Variants in COBLL1 observed in about 807,000 individuals in gnomAD.
COBLL1 encodes cordon-bleu WH2 repeat protein like 1.
In COBLL1, 50 loss-of-function variants were observed where a neutral mutation model predicts 94.8. The observed-to-expected ratio is 0.53, with a 90% CI of 0.42 to 0.67. COBLL1 has a LOEUF of 0.67. COBLL1 is among the 30% of genes least tolerant of loss of function. COBLL1 has a pLI of 0.00. For synonymous variants in COBLL1, 448 were observed against 473.8 expected, an observed-to-expected ratio of 0.95 and a Z score of 0.71; for missense variants, 1,362 against 1,348.7, an observed-to-expected ratio of 1.01 and a Z score of -0.15.
chr2:164,698,097 T>C (rs1483409741), intron 11 of COBLL1: 8 of 152,098 alleles, frequency 5.3e-5, no homozygotes, highest in African/African-American at 1.9e-4. Flanking sequence ...TACGTAAATG[T>C]ACTTGTGACT....
chr2:164,833,610 C>T (rs552222854), intron 2 of COBLL1, among the ~76,000 whole-genome samples: 81 of 152,040 alleles, frequency 5.3e-4, no homozygotes, highest in African/African-American at 1.9e-3. Flanking sequence ...GCCACCACGC[C>T]CGGCTAATTT....
chr2:164,836,023 G>A (rs976880540), intron 2 of COBLL1, among the ~76,000 whole-genome samples: 19 of 152,158 alleles, frequency 1.2e-4, no homozygotes, highest in African/African-American at 4.3e-4. Context: ...TGGCGTTTCA[G>A]TACAAATATA....
chr2:164,752,142 T>C (rs192377233), intron 2 of COBLL1, among the ~76,000 whole-genome samples: 2 of 152,332 alleles, frequency 1.3e-5, no homozygotes, highest in Non-Finnish European at 2.9e-5. Context: ...GTAGTTTCTA[T>C]CCAGTATCAA....
chr2:164,671,746 GGCTGA>G (rs1414260077), intron 1 of COBLL1, among the ~76,000 whole-genome samples: 1 of 150,934 alleles, frequency 6.6e-6, no homozygotes, highest in Non-Finnish European at 1.5e-5. Flanking sequence ...TTTTCCAAGA[GGCTGA>G]GCTGTCATTT....
intron 13 of COBLL1, among the ~76,000 whole-genome samples, chr2:164,690,645 G>A (rs1004249114): frequency 1.2e-4 from 19 of 152,212 alleles, no homozygotes; most frequent in African/African-American, 2.2e-4. Flanking sequence ...TAAAGGCATC[G>A]CAATCAGTTT....
chr2:164,795,487 C>T (rs1683399871), intron 2 of COBLL1, among the ~76,000 whole-genome samples: 3 of 152,080 alleles, frequency 2.0e-5, no homozygotes, highest in Admixed American at 6.6e-5. Context: ...CAAATATCTT[C>T]TAAATTTTTC....
intron 2 of COBLL1, among the ~76,000 whole-genome samples, chr2:164,804,976 C>T (rs1684015133): frequency 6.6e-6 from 1 of 152,022 alleles, no homozygotes; most frequent in Non-Finnish European, 1.5e-5. Context: ...AGTTCTAGTG[C>T]TTTCTTTCTC....
intron 1 of COBLL1, among the ~76,000 whole-genome samples, chr2:164,671,536 T>C (rs1691241177): frequency 6.6e-6 from 1 of 152,174 alleles, no homozygotes; most frequent in Non-Finnish European, 1.5e-5. Flanking sequence ...TCTGGAAAGG[T>C]GATAACCAGT....
Position 164,728,703 on chromosome 2 carries a change from C to T in COBLL1, c.433-506G>A, listed in dbSNP as rs1038423591. On this transcript the variant is annotated intron_variant, in intron 4 of 13. Coordinates refer to ENST00000652658, the MANE Select transcript of COBLL1 (RefSeq NM_001365672.2). ...TCCATATGAAAAGCTTAGCAGACTT[C>T]CTGGCACATAGTCATTTATCAATAA... Among the ~76,000 whole-genome samples the T allele has an allele frequency of 1.4e-4, 21 of 151,912 alleles. 1 individual carries two copies. Among genetic ancestry groups the T allele is most frequent in the African/African-American group, 4.8e-4 (20 of 41,410 alleles).
At chr2:164,817,769 T>C (rs1684846574) in intron 2 of COBLL1, among the ~76,000 whole-genome samples, 1 of 152,136 alleles carries the variant, frequency 6.6e-6, no homozygotes. Context: ...GGAAGCCACC[T>C]GGTGGCTTCC....
intron 2 of COBLL1, among the ~76,000 whole-genome samples, chr2:164,663,779 T>C (rs982914661): frequency 1.3e-5 from 2 of 152,100 alleles, no homozygotes; most frequent in Non-Finnish European, 2.9e-5. Context: ...ATGGGAACAA[T>C]AGATACTGGG....
intron 2 of COBLL1, among the ~76,000 whole-genome samples, chr2:164,774,950 T>G (rs562882966): frequency 6.6e-6 from 1 of 152,168 alleles, no homozygotes; most frequent in South Asian, 2.1e-4. Flanking sequence ...TGTATATGTT[T>G]ATCATAACAG....
intron 5 of COBLL1, 84 bp from the exon 6 acceptor site, chr2:164,722,606 C>T: frequency 1.5e-6 from 1 of 687,752 alleles, no homozygotes; most frequent in Non-Finnish European, 2.4e-6. Flanking sequence ...TTCCCCTTTG[C>T]AAACTTATCT....
In COBLL1 at chr2:164,704,946, C is replaced by T; in HGVS notation, c.1150+6G>A. 6.4e-7 allele frequency: 1 copy of T among 1,564,822 alleles called. No homozygotes were observed. The highest frequency in any genetic ancestry group is 8.6e-7 in the Non-Finnish European group (1 of 1,158,810). On this transcript the variant is annotated splice_donor_region_variant and intron_variant, in intron 8 of 13. Transcript: ENST00000652658. ...AAATGTAATGTTAATGAAACAACCACATTACCAGTCACACGACTATTTTCA... is the reference window on the plus strand; with the variant it reads ...AAATGTAATGTTAATGAAACAACCATATTACCAGTCACACGACTATTTTCA...
rs538858840 is a variant in COBLL1 at position 164,802,809 on chromosome 2, C to T, written c.41+38347G>A. The stretch of plus-strand genomic sequence containing the variant: ...CATTAGATTTACAAGTTGGGAATAA[C>T]ATTTTAAACTAAAACTCATGCTTAA... On this transcript the variant is annotated intron_variant, in intron 2 of 13. Coordinates refer to ENST00000652658, the MANE Select transcript of COBLL1 (RefSeq NM_001365672.2). Among the ~76,000 whole-genome samples the T allele has an allele frequency of 1.0e-3, 159 of 151,844 alleles. 3 individuals carry two copies. Among genetic ancestry groups the T allele is most frequent in the Non-Finnish European group, 4.9e-4 (33 of 67,910 alleles).
chr2:164,743,225 G>A (rs1462368638), intron 3 of COBLL1: 2 of 152,886 alleles, frequency 1.3e-5, no homozygotes, highest in Non-Finnish European at 2.9e-5. Flanking sequence ...ACATACAAAA[G>A]TATTACATTT....
intron 2 of COBLL1, among the ~76,000 whole-genome samples, chr2:164,818,018 T>A (rs1201037445): frequency 6.6e-6 from 1 of 151,986 alleles, no homozygotes; most frequent in Admixed American, 6.6e-5. Context: ...CTTTTTCATA[T>A]TAATCTTTAC....
chr2:164,674,267 G>A (rs1691299705), intron 1 of COBLL1, among the ~76,000 whole-genome samples: 1 of 152,084 alleles, frequency 6.6e-6, no homozygotes, highest in Non-Finnish European at 1.5e-5. Context: ...CACCGTGTTG[G>A]CCAGGATGGC....
rs561354585 is a variant in COBLL1, at chr2:164,658,920, A to G, written n.182-5006T>C. On this transcript the variant is annotated intron_variant and non_coding_transcript_variant, in intron 2 of 2. Coordinates refer to the COBLL1 transcript ENST00000495084. ...CTGCCTTGTGGCTCTTTTGGCTTCAATATCTGCTTGACAGTTCCCTTCTAT... is the reference window on the plus strand; with the variant it reads ...CTGCCTTGTGGCTCTTTTGGCTTCAGTATCTGCTTGACAGTTCCCTTCTAT... Among the ~76,000 whole-genome samples the G allele has an allele frequency of 2.1e-4, 32 of 152,112 alleles. No homozygotes were observed. In the South Asian group the frequency reaches 6.7e-3, roughly 32 times the overall value.
Sources: gnomAD v4.1 joint callset for allele counts (sites outside exome capture counted in the v4.1 genomes callset) on GRCh38, gnomAD v4.1.1 for gene constraint, MANE v1.5 for transcripts, NCBI Gene and HGNC (gene_info 2026-07-23, HGNC 2026-07-21) for gene names.